Variants in MROH1 observed in about 807,000 individuals in gnomAD.
MROH1 encodes maestro heat-like repeat-containing protein family member 1.
In MROH1, 117 loss-of-function variants were observed where a neutral mutation model predicts 116.5. That is an observed-to-expected ratio of 1.00 (90% confidence interval 0.86 to 1.17). The LOEUF (loss-of-function observed/expected upper bound fraction) is 1.17, where lower values mean the gene tolerates loss of function less well. Ranked by LOEUF, MROH1 falls within the 50% of genes most tolerant of loss-of-function variation. The probability of loss-of-function intolerance (pLI) is 0.00; values close to 1 mark genes in which losing one functional copy is unlikely to be tolerated. For missense variants in MROH1, 1,873 were observed against 1,338.5 expected (o/e 1.40, Z -6.23); for synonymous variants, 921 against 583.9 (o/e 1.58, Z -8.32).
At chr8:144,185,595 T>C (rs1431488612) in intron 7 of MROH1, among the ~76,000 whole-genome samples, 38 of 31,886 alleles carry the variant, frequency 1.2e-3, no homozygotes, top group South Asian at 1.5e-3. Context: ...CTTGAGGGGA[T>C]GTGAGAGGCA....
At chr8:144,158,021 C>G (rs1818597396) in intron 1 of MROH1, among the ~76,000 whole-genome samples, 1 of 109,710 alleles carries the variant, frequency 9.1e-6, no homozygotes, top group African/African-American at 3.7e-5. Context: ...GAGATGGAGT[C>G]TGGCTCTGTC....
intron 33 of MROH1, among the ~76,000 whole-genome samples, chr8:144,253,075 A>T (rs1156621288): frequency 6.6e-6 from 1 of 151,244 alleles, no homozygotes; most frequent in African/African-American, 2.4e-5. Context: ...AATCGCTTGA[A>T]CCTGGGAGGT....
chr8:144,230,502 CTTTT>C (rs111658619), intron 14 of MROH1, among the ~76,000 whole-genome samples: 1 of 132,368 alleles, frequency 7.6e-6, no homozygotes, highest in Non-Finnish European at 1.7e-5. Flanking sequence ...TCATTTCTGG[CTTTT>C]TTTTTTTTTA....
At chr8:144,231,805 T>G (rs781871076) in intron 14 of MROH1, among the ~76,000 whole-genome samples, 12 of 152,192 alleles carry the variant, frequency 7.9e-5, no homozygotes, top group Non-Finnish European at 1.3e-4. Context: ...CCCCAGACCT[T>G]CCACTTGGTT....
chr8:144,152,555 A>ATTATTATTTT (rs1369841266), intron 1 of MROH1, among the ~76,000 whole-genome samples: 5,518 of 130,488 alleles, frequency 0.042, 421 homozygotes, highest in African/African-American at 0.14. Context: ...TATTATTATT[A>ATTATTATTTT]TTTTTTTTTT....
At chr8:144,168,481 T>C (rs1317427124) in intron 4 of MROH1, 41 bp downstream of exon 4, 1 of 1,564,586 alleles carries the variant, frequency 6.4e-7, no homozygotes, top group Admixed American at 1.8e-5. Flanking sequence ...GTCAGGGCCA[T>C]GGTCGGTTGG....
intron 14 of MROH1, among the ~76,000 whole-genome samples, chr8:144,233,988 T>TG (rs1327257685): frequency 1.3e-5 from 2 of 152,214 alleles, no homozygotes. Flanking sequence ...TGTATATGTT[T>TG]GGGGAGTAGT....
chr8:144,222,066 CAGGGA>C (rs879707514), intron 13 of MROH1, among the ~76,000 whole-genome samples: 60,453 of 151,498 alleles, frequency 0.4, 14,989 homozygotes, highest in East Asian at 0.72. Context: ...ACTGCAGATT[CAGGGA>C]CCAGATTTAT....
At position 144,220,689 on chromosome 8, in the gene MROH1, C is replaced by T. The variant is rs1836526546; in HGVS notation, c.1215+16C>T. On this transcript the variant is annotated intron_variant, in intron 13 of 43. Transcript: ENST00000326134. ...CAACAGCAAGGTAAACCACATGGGC[C>T]AGCCCAGGCTGCACCACCACACCAC... 3.2e-6 allele frequency: 5 copies of T among 1,561,836 alleles called. No homozygotes were observed. The highest frequency in any genetic ancestry group is 4.3e-6 in the Non-Finnish European group (5 of 1,153,106).
chr8:144,236,346 G>A (rs964631186), intron 14 of MROH1, among the ~76,000 whole-genome samples: 82 of 152,190 alleles, frequency 5.4e-4, no homozygotes, highest in South Asian at 3.9e-3. Context: ...GTCTATGCTC[G>A]GTTTCTGCAC....
intron 14 of MROH1, among the ~76,000 whole-genome samples, chr8:144,237,440 A>G (rs1253774364): frequency 7.2e-5 from 11 of 151,920 alleles, no homozygotes; most frequent in Non-Finnish European, 1.3e-4. Flanking sequence ...TGCTCTGCGG[A>G]CCCTTCCATG....
intron 7 of MROH1, among the ~76,000 whole-genome samples, chr8:144,187,375 A>T (rs144886855): frequency 2.0e-5 from 3 of 152,200 alleles, no homozygotes; most frequent in Non-Finnish European, 4.4e-5. Flanking sequence ...GTGTCACTAC[A>T]CTCCAGCCTG....
chr8:144,154,476 G>A (rs1433788105), intron 1 of MROH1, among the ~76,000 whole-genome samples: 3 of 152,082 alleles, frequency 2.0e-5, no homozygotes, highest in Admixed American at 6.6e-5. Context: ...TGAAGAATGT[G>A]GGAGAACCAC....
intron 1 of MROH1, among the ~76,000 whole-genome samples, chr8:144,158,078 C>T (rs1003013771): frequency 6.1e-5 from 9 of 147,482 alleles, no homozygotes; most frequent in East Asian, 2.0e-4. Context: ...CTGCAAACTC[C>T]GCCCCCTGGG....
chr8:144,156,578 G>A (rs1265714475), intron 1 of MROH1, among the ~76,000 whole-genome samples: 3 of 151,160 alleles, frequency 2.0e-5, no homozygotes, highest in Non-Finnish European at 4.4e-5. Context: ...GCGTGATGGT[G>A]TGTGCCTGTA....
chr8:144,205,228 AT>A (rs1411073983), intron 12 of MROH1, among the ~76,000 whole-genome samples: 1 of 152,170 alleles, frequency 6.6e-6, no homozygotes, highest in Non-Finnish European at 1.5e-5. Flanking sequence ...TTGGAACATG[AT>A]TGCAAGTTGA....
At chr8:144,236,735 T>G (rs1840102180) in intron 14 of MROH1, among the ~76,000 whole-genome samples, 1 of 151,148 alleles carries the variant, frequency 6.6e-6, no homozygotes, top group African/African-American at 2.4e-5. Context: ...AGAGCGAGAC[T>G]CCATCTCAAA....
chr8:144,261,226 AC>A lies in MROH1; in HGVS notation c.4774+15del. 1.3e-6 allele frequency: 1 copy of A among 762,756 alleles called. No homozygotes were observed. The highest frequency in any genetic ancestry group is 1.3e-5 in the South Asian group (1 of 74,500). The allele number at this position is 762,756 out of a possible 1,614,324, so 47.2% of individuals were successfully genotyped here. A position where few individuals can be genotyped will look rare whatever the true frequency, so the allele number is the denominator to read the frequency against. ...GCACCCCTGTTCACCGGTAAGCACC[AC>A]CCCCTGCCCCACCCCCACGCCGCCC... is the stretch of plus-strand genomic sequence containing the variant. On this transcript the variant is annotated intron_variant, in intron 42 of 43. Transcript: ENST00000326134.
intron 3 of MROH1, among the ~76,000 whole-genome samples, chr8:144,166,671 T>C (rs1214902016): frequency 7.0e-6 from 1 of 142,554 alleles, no homozygotes; most frequent in East Asian, 2.0e-4. Context: ...TGGGTGGAGG[T>C]GGGGTGGTGA....
Sources: gnomAD v4.1 joint callset for allele counts (sites outside exome capture counted in the v4.1 genomes callset) on GRCh38, gnomAD v4.1.1 for gene constraint, MANE v1.5 for transcripts, NCBI Gene and HGNC (gene_info 2026-07-23, HGNC 2026-07-21) for gene names.